Variants in PRRC2B observed in about 807,000 individuals in gnomAD.
PRRC2B encodes the protein proline rich coiled-coil 2B.
A neutral mutation model predicts 242.3 loss-of-function variants in PRRC2B; 68 were observed. The observed-to-expected ratio is 0.28, with a 90% CI of 0.23 to 0.34. The LOEUF is 0.34. Among genes scored for constraint, PRRC2B ranks in the 10% least tolerant of loss-of-function variants. PRRC2B has a pLI of 1.00. For synonymous variants in PRRC2B, 1,228 were observed against 1,173.6 expected, an observed-to-expected ratio of 1.05 and a Z score of -0.95; for missense variants, 2,835 against 2,954.8, an observed-to-expected ratio of 0.96 and a Z score of 0.94.
In PRRC2B at chr9:131,459,177, C is replaced by A; in HGVS notation, c.1225C>A (p.Pro409Thr). Reference sequence around the variant, plus strand: ...GGTTTGTCCTAGGAACAGTTGGGACCCTAGGAGGCAGCGGCAGTTGTCAAT... The same window carrying A: ...GGTTTGTCCTAGGAACAGTTGGGACACTAGGAGGCAGCGGCAGTTGTCAAT... ...DGRPKWNSWD[P>T]RRQRQLSMSS... is the part of the protein sequence containing the mutation. Residue 409 changes from proline to threonine, a missense_variant, in exon 11 of 32, where the codon CCT becomes ACT. Transcript: ENST00000683519. 1 of 1,613,850 alleles carries A rather than the reference C, an allele frequency of 6.2e-7. No individual in the cohort carries two copies. The highest frequency in any genetic ancestry group is 1.6e-4 in the Middle Eastern group (1 of 6,062).
chr9:131,449,959 T>A (rs975780801), intron 9 of PRRC2B, among the ~76,000 whole-genome samples: 4 of 152,220 alleles, frequency 2.6e-5, no homozygotes, highest in Non-Finnish European at 5.9e-5. Context: ...TCCACAACAT[T>A]TGTTGATAAG....
chr9:131,469,927 C>T (rs1943493875), intron 13 of PRRC2B, among the ~76,000 whole-genome samples: 1 of 152,190 alleles, frequency 6.6e-6, no homozygotes, highest in African/African-American at 2.4e-5. Context: ...TAAAATCCAT[C>T]AGCTGCTGTG....
chr9:131,388,281 C>T (rs1360620006), intron 1 of PRRC2B, among the ~76,000 whole-genome samples: 3 of 142,986 alleles, frequency 2.1e-5, no homozygotes, highest in Non-Finnish European at 4.6e-5. Flanking sequence ...CCTCTTGTTG[C>T]CCAGGCTGGA....
At position 131,447,548 on chromosome 9, in the gene PRRC2B, A is replaced by G. The variant is rs1588256478; in HGVS notation, c.978-114A>G. 5 of 1,097,416 alleles carry G rather than the reference A, an allele frequency of 4.6e-6. No homozygotes were observed. The East Asian group carries it at 1.3e-4, about 29-fold the overall frequency. 68.0% of individuals were successfully genotyped at this position (1,097,416 alleles called of 1,614,324 possible). On this transcript the variant is annotated intron_variant, in intron 8 of 31. Transcript: ENST00000683519. The stretch of plus-strand genomic sequence containing the variant: ...ATATTTCTTTTAAAGGAACTGATAG[A>G]AATAATTAAATCAAACATGAACCTT...
chr9:131,416,844 G>A (rs1421177532), intron 1 of PRRC2B, among the ~76,000 whole-genome samples: 1 of 152,098 alleles, frequency 6.6e-6, no homozygotes, highest in Non-Finnish European at 1.5e-5. Flanking sequence ...TAACTAGGGT[G>A]ATTCTTGTTT....
chr9:131,377,668 AG>A (rs1330188543), intron 1 of PRRC2B, among the ~76,000 whole-genome samples: 3 of 152,196 alleles, frequency 2.0e-5, no homozygotes, highest in Non-Finnish European at 2.9e-5. Flanking sequence ...GAATGACAAG[AG>A]GGTTTAGTGT....
intron 1 of PRRC2B, among the ~76,000 whole-genome samples, chr9:131,381,096 A>G (rs1051278441): frequency 3.9e-5 from 6 of 152,110 alleles, no homozygotes; most frequent in Non-Finnish European, 5.9e-5. Flanking sequence ...TCTGCTGCCA[A>G]TGACCCTCCT....
intron 1 of PRRC2B, among the ~76,000 whole-genome samples, chr9:131,386,834 C>T (rs1002512393): frequency 2.0e-5 from 3 of 147,568 alleles, no homozygotes; most frequent in Admixed American, 7.2e-5. Flanking sequence ...ATATATAAGT[C>T]ATATATATAT....
chr9:131,420,447 TTTTCTTTTTCTTTC>T (rs1837774660), intron 1 of PRRC2B, among the ~76,000 whole-genome samples: 1 of 118,458 alleles, frequency 8.4e-6, no homozygotes, highest in African/African-American at 3.3e-5. Context: ...TTCTTTTTCT[TTTTCTTTTTCTTTC>T]TTTCTTTCTT....
chr9:131,401,196 A>C (rs981935870), intron 1 of PRRC2B, among the ~76,000 whole-genome samples: 3 of 152,096 alleles, frequency 2.0e-5, no homozygotes, highest in African/African-American at 7.2e-5. Context: ...AAGTATACAT[A>C]ACATAAAATT....
chr9:131,398,475 C>G (rs1164832508), intron 1 of PRRC2B, among the ~76,000 whole-genome samples: 3 of 152,208 alleles, frequency 2.0e-5, no homozygotes. Context: ...TCTTTCACAT[C>G]TTGTACAGGA....
intron 10 of PRRC2B, among the ~76,000 whole-genome samples, chr9:131,456,349 T>C (rs984588374): frequency 4.0e-5 from 6 of 151,242 alleles, no homozygotes; most frequent in African/African-American, 7.3e-5. Flanking sequence ...TACCCCACAA[T>C]GGCCAGGCAC....
intron 4 of PRRC2B, among the ~76,000 whole-genome samples, chr9:131,438,774 T>C (rs887808290): frequency 6.6e-6 from 1 of 151,966 alleles, no homozygotes; most frequent in Non-Finnish European, 1.5e-5. Context: ...GTCTGTAGAG[T>C]GGGCCTGGCA....
At chr9:131,483,031 C>T in intron 22 of PRRC2B, 124 bp downstream of exon 22, 1 of 1,158,168 alleles carries the variant, frequency 8.6e-7, no homozygotes, top group South Asian at 1.5e-5. Flanking sequence ...AAGCAGTCTT[C>T]CAGCGGCTAG....
intron 30 of PRRC2B, among the ~76,000 whole-genome samples, chr9:131,492,931 A>C (rs962436282): frequency 2.0e-5 from 3 of 152,156 alleles, no homozygotes; most frequent in Non-Finnish European, 4.4e-5. Flanking sequence ...CACCCTTGTT[A>C]CATGTGGGAG....
chr9:131,405,526 C>G (rs1429847995), intron 1 of PRRC2B, among the ~76,000 whole-genome samples: 2 of 152,162 alleles, frequency 1.3e-5, no homozygotes, highest in Non-Finnish European at 2.9e-5. Flanking sequence ...GACTCAACCT[C>G]TTGGCGTCAC....
intron 1 of PRRC2B, among the ~76,000 whole-genome samples, chr9:131,375,944 GA>G (rs1411287448): frequency 2.7e-5 from 4 of 150,772 alleles, no homozygotes; most frequent in African/African-American, 9.8e-5. Context: ...AGCTACTTGG[GA>G]GGCTGAGGCA....
chr9:131,446,775 T>A lies in PRRC2B; in HGVS notation c.855+133T>A. On this transcript the variant is annotated intron_variant, in intron 7 of 31. Coordinates refer to ENST00000683519, the MANE Select transcript of PRRC2B (RefSeq NM_013318.4). This position sits in a 1 kb window ranked among gnomAD's most constrained non-coding sequence, Gnocchi z 4.1. ...CCCTACTTCTGAGGCTTCCACTCGT[T>A]TTGCATTTTCTCTCCCTGCTTTTTA... 9.3e-7 allele frequency: 1 copy of A among 1,078,282 alleles called. No homozygotes were observed. The highest frequency in any genetic ancestry group is 1.3e-6 in the Non-Finnish European group (1 of 759,060). 66.8% of individuals were successfully genotyped at this position (1,078,282 alleles called of 1,614,324 possible). A position where few individuals can be genotyped will look rare whatever the true frequency, so the allele number is the denominator to read the frequency against.
intron 17 of PRRC2B, 88 bp downstream of exon 17, chr9:131,478,037 C>A: frequency 8.3e-7 from 1 of 1,203,712 alleles, no homozygotes; most frequent in African/African-American, 1.5e-5. Flanking sequence ...TGCCCTTGCA[C>A]TGAGTACCTT....
Sources: allele counts gnomAD v4.1 joint callset (sites outside exome capture counted in the v4.1 genomes callset), GRCh38; gene constraint gnomAD v4.1.1; non-coding constraint Gnocchi (gnomAD v3.1); transcripts MANE v1.5; gene names NCBI Gene and HGNC (gene_info 2026-07-23, HGNC 2026-07-21).